Variants in GABRR2 observed in about 807,000 individuals in gnomAD.
GABRR2 encodes the protein gamma-aminobutyric acid type A receptor subunit rho2, also known as gamma-aminobutyric acid receptor subunit rho-2.
Under a neutral mutation model 47.0 loss-of-function variants are expected in GABRR2, and 36 were observed. The observed-to-expected ratio is 0.77, with a 90% CI of 0.59 to 1.01. The LOEUF is 1.01. GABRR2 is among the 50% of genes least tolerant of loss of function. The pLI is 0.00. For synonymous variants in GABRR2, 204 were observed against 227.5 expected (o/e 0.90, Z 0.93); for missense variants, 587 against 594.6 (o/e 0.99, Z 0.13).
chr6:89,280,974 T>G (rs1477436561), intron 2 of GABRR2, among the ~76,000 whole-genome samples: 7 of 152,244 alleles, frequency 4.6e-5, no homozygotes, highest in African/African-American at 1.7e-4. Context: ...TGAAATGAAT[T>G]GAAGCAAAAA....
At chr6:89,301,724 T>G in intron 1 of GABRR2, 1 of 643,016 alleles carries the variant, frequency 1.6e-6, no homozygotes, top group South Asian at 1.6e-5. Flanking sequence ...AAATCAGAGA[T>G]GTCAGCAGCC....
At position 89,272,828 on chromosome 6, in the gene GABRR2, G is replaced by A. The variant is rs144343429; in HGVS notation, c.221-1106C>T. 3.1e-3 allele frequency among the ~76,000 whole-genome samples: 473 copies of A among 152,264 alleles called. 1 individual carries two copies. Among genetic ancestry groups the A allele is most frequent in the African/African-American group, 0.01 (435 of 41,536 alleles). On this transcript the variant is annotated intron_variant, in intron 2 of 8. Coordinates refer to ENST00000402938, the MANE Select transcript of GABRR2 (RefSeq NM_002043.5). ...AAGGGCTGAGACTTTGGCCATGGGC[G>A]GGGAAGGAGGACCAGAGATTCCCAC...
At chr6:89,288,725 T>C (rs1333265708) in intron 2 of GABRR2, among the ~76,000 whole-genome samples, 1 of 152,112 alleles carries the variant, frequency 6.6e-6, no homozygotes, top group African/African-American at 2.4e-5. Flanking sequence ...ACTCCAAGTC[T>C]TGAACTCCTG....
intron 1 of GABRR2, among the ~76,000 whole-genome samples, chr6:89,300,471 C>T (rs975708511): frequency 6.6e-6 from 1 of 151,786 alleles, no homozygotes; most frequent in East Asian, 1.9e-4. Context: ...GATTGCGCCA[C>T]CCGGGTGATA....
At chr6:89,311,785 G>A (rs185612270) in intron 1 of GABRR2, among the ~76,000 whole-genome samples, 1 of 152,312 alleles carries the variant, frequency 6.6e-6, no homozygotes, top group East Asian at 1.9e-4. Context: ...ATCCCCATGG[G>A]GAAGGGCTCA....
chr6:89,306,306 G>A (rs6919582), intron 1 of GABRR2, among the ~76,000 whole-genome samples: 41,583 of 151,728 alleles, frequency 0.27, 5,892 homozygotes, highest in East Asian at 0.38. Flanking sequence ...GAGCCTGGGA[G>A]GTTGAGGTTG....
chr6:89,265,594 C>T lies in GABRR2; in HGVS notation c.889+19G>A. On this transcript the variant is annotated intron_variant, in intron 7 of 8. Coordinates refer to ENST00000402938, the MANE Select transcript of GABRR2 (RefSeq NM_002043.5). ...TGAAAAAAATAACCACCCTACCACA[C>T]CTTATGAAATGCTTTTACCCAGTGA... 1 of 1,604,798 alleles carries T rather than the reference C, an allele frequency of 6.2e-7. No individual in the cohort carries two copies. The highest frequency in any genetic ancestry group is 8.5e-7 in the Non-Finnish European group (1 of 1,176,302).
intron 1 of GABRR2, among the ~76,000 whole-genome samples, chr6:89,308,092 G>A (rs1767602462): frequency 6.6e-6 from 1 of 152,176 alleles, no homozygotes; most frequent in African/African-American, 2.4e-5. Context: ...TGGGGTTACA[G>A]GCATGAGCCA....
At chr6:89,290,309 C>T (rs1774414637) in intron 2 of GABRR2, among the ~76,000 whole-genome samples, 1 of 152,218 alleles carries the variant, frequency 6.6e-6, no homozygotes, top group Non-Finnish European at 1.5e-5. Context: ...ACAGCAGGTC[C>T]CTGCACAGGG....
intron 1 of GABRR2, among the ~76,000 whole-genome samples, chr6:89,310,016 T>C (rs1481586304): frequency 6.6e-6 from 1 of 150,598 alleles, no homozygotes; most frequent in Non-Finnish European, 1.5e-5. Flanking sequence ...ATCTTCTTGC[T>C]GCAGCCTCCC....
At chr6:89,314,834 C>T (rs999329970) in intron 1 of GABRR2, among the ~76,000 whole-genome samples, 3 of 152,178 alleles carry the variant, frequency 2.0e-5, no homozygotes, top group African/African-American at 4.8e-5. Context: ...CGCAGGCATC[C>T]GAAGGAAGGC....
At chr6:89,313,617 C>T (rs1419186668) in intron 1 of GABRR2, among the ~76,000 whole-genome samples, 1 of 152,004 alleles carries the variant, frequency 6.6e-6, no homozygotes, top group Admixed American at 6.6e-5. Context: ...GGACTAGGCT[C>T]CAGAGAGAGT....
At chr6:89,312,829 C>T (rs1582469611) in intron 1 of GABRR2, among the ~76,000 whole-genome samples, 2 of 152,192 alleles carry the variant, frequency 1.3e-5, no homozygotes, top group East Asian at 3.8e-4. Flanking sequence ...AAATATTTTA[C>T]TTCCTTGAAA....
At chr6:89,293,803 TAAAAG>T (rs57341705) in intron 2 of GABRR2, among the ~76,000 whole-genome samples, 4,413 of 152,082 alleles carry the variant, frequency 0.029, 220 homozygotes, top group African/African-American at 0.1. Flanking sequence ...ATAAAAGAAA[TAAAAG>T]AAAATCAGCA....
chr6:89,265,656 G>A lies in GABRR2; in HGVS notation c.846C>T (p.Ser282=). The change falls in exon 7 of 9, where the codon TCC becomes TCT. Residue 282 remains serine, a synonymous_variant. Coordinates refer to ENST00000402938, the MANE Select transcript of GABRR2 (RefSeq NM_002043.5). ...ATLMVMLSWV[S]FWIDRRAVPA... Reference sequence around the variant, plus strand: ...GCACAGCTCTGCGGTCGATCCAGAAGGACACCCAGGACAGCATGACCATCA... The same window carrying A: ...GCACAGCTCTGCGGTCGATCCAGAAAGACACCCAGGACAGCATGACCATCA... The A allele has an allele frequency of 6.2e-7, 1 of 1,614,190 alleles. No homozygotes were observed. Among genetic ancestry groups the A allele is most frequent in the Non-Finnish European group, 8.5e-7 (1 of 1,180,026 alleles).
chr6:89,264,339 C>G lies in GABRR2; in HGVS notation c.1086+73G>C, dbSNP rs534479552. Reference sequence around the variant, plus strand: ...TTTCTACATGCAACCCCTGCCTCTGCCCCCTGGCCCAGAAGACCTTCATTT... The same window carrying G: ...TTTCTACATGCAACCCCTGCCTCTGGCCCCTGGCCCAGAAGACCTTCATTT... On this transcript the variant is annotated intron_variant, in intron 8 of 8. Transcript: ENST00000402938. The G allele has an allele frequency of 5.4e-6, 8 of 1,485,956 alleles. No individual in the cohort carries two copies. In the Middle Eastern group the frequency reaches 5.3e-4, roughly 98 times the overall value. 92.0% of individuals were successfully genotyped at this position (1,485,956 alleles called of 1,614,324 possible). A position where few individuals can be genotyped will look rare whatever the true frequency, so the allele number is the denominator to read the frequency against.
intron 2 of GABRR2, among the ~76,000 whole-genome samples, chr6:89,289,585 A>G (rs1471281566): frequency 1.3e-5 from 2 of 152,156 alleles, no homozygotes; most frequent in Non-Finnish European, 2.9e-5. Flanking sequence ...TGTGGAGAAC[A>G]TGGGTGTAAG....
chr6:89,295,993 G>C (rs904165904), intron 2 of GABRR2, among the ~76,000 whole-genome samples: 3 of 152,164 alleles, frequency 2.0e-5, no homozygotes, highest in Non-Finnish European at 4.4e-5. Context: ...TCTCTGTTTT[G>C]GTACCAGTAC....
At chr6:89,295,506 C>T (rs1026904144) in intron 2 of GABRR2, among the ~76,000 whole-genome samples, 2 of 152,088 alleles carry the variant, frequency 1.3e-5, no homozygotes. Flanking sequence ...TGTTTGAGTT[C>T]ATTGTAGATT....
Sources: allele counts gnomAD v4.1 joint callset (sites outside exome capture counted in the v4.1 genomes callset), GRCh38; gene constraint gnomAD v4.1.1; transcripts MANE v1.5; gene names NCBI Gene and HGNC (gene_info 2026-07-23, HGNC 2026-07-21).